Variants in IREB2 observed in about 807,000 individuals in gnomAD.
IREB2 encodes iron responsive element binding protein 2.
In IREB2, 39 loss-of-function variants were observed where a neutral mutation model predicts 118.8. The ratio of observed to expected loss-of-function variants is 0.33; its 90% CI spans 0.25 to 0.43. The LOEUF (loss-of-function observed/expected upper bound fraction) is 0.43. Ranked by LOEUF, IREB2 falls within the 20% of genes least tolerant of loss-of-function variation. The probability of loss-of-function intolerance (pLI) is 1.00; values close to 1 mark genes in which losing one functional copy is unlikely to be tolerated. For missense variants in IREB2, 900 were observed against 1,147.3 expected (o/e 0.78, Z 3.11); for synonymous variants, 372 against 392.2 (o/e 0.95, Z 0.61).
At chr15:78,453,818 T>C (rs1373543425) in intron 2 of IREB2, among the ~76,000 whole-genome samples, 2 of 152,176 alleles carry the variant, frequency 1.3e-5, no homozygotes, top group African/African-American at 4.8e-5. Flanking sequence ...TTAATTGATG[T>C]GGAGTGTGGG....
chr15:78,438,210 T>G (rs889399787), upstream of IREB2: 5 of 735,762 alleles, frequency 6.8e-6, no homozygotes, highest in South Asian at 6.3e-5. Context: ...CTCGCGATAT[T>G]TGCGCGAGCC....
At chr15:78,443,634 T>G (rs868535976) in intron 2 of IREB2, among the ~76,000 whole-genome samples, 4 of 149,766 alleles carry the variant, frequency 2.7e-5, no homozygotes, top group Middle Eastern at 3.4e-3. Flanking sequence ...GGGTTTTTTT[T>G]GTTTTTTGTT....
intron 9 of IREB2, among the ~76,000 whole-genome samples, chr15:78,476,946 C>CT (rs985066070): frequency 6.6e-6 from 1 of 152,196 alleles, no homozygotes; most frequent in East Asian, 1.9e-4. Flanking sequence ...AGTAAGATCT[C>CT]TTTTTTTAAT....
intron 2 of IREB2, among the ~76,000 whole-genome samples, chr15:78,453,497 A>G (rs2051057743): frequency 6.6e-6 from 1 of 151,938 alleles, no homozygotes; most frequent in South Asian, 2.1e-4. Flanking sequence ...GGAAGAAACC[A>G]GTTGAATTGC....
intron 20 of IREB2, among the ~76,000 whole-genome samples, chr15:78,495,706 TGTAAAAAATGA>T (rs375785171): frequency 6.6e-6 from 1 of 152,240 alleles, no homozygotes; most frequent in African/African-American, 2.4e-5. Context: ...AGTAAAAATT[TGTAAAAAATGA>T]GTAAAAAAGA....
chr15:78,492,027 T>C (rs1308435214), intron 18 of IREB2, among the ~76,000 whole-genome samples: 2 of 152,208 alleles, frequency 1.3e-5, no homozygotes, highest in African/African-American at 4.8e-5. Flanking sequence ...TTTAATCCAG[T>C]AGTGCTCATC....
At position 78,462,893 on chromosome 15, in the gene IREB2, T is replaced by G. The variant is rs563221479; in HGVS notation, c.107-29T>G. 5 of 1,533,188 alleles carry G rather than the reference T, an allele frequency of 3.3e-6. No individual in the cohort carries two copies. In the South Asian group the frequency reaches 6.2e-5, roughly 19 times the overall value. The allele number at this position is 1,533,188 out of a possible 1,614,324, so 95.0% of individuals were successfully genotyped here. ...ATAATATATAGGTATGACTGTTTGCTTATTAATAGTAATATTTTCTTGAAT... is the reference window on the plus strand; with the variant it reads ...ATAATATATAGGTATGACTGTTTGCGTATTAATAGTAATATTTTCTTGAAT... On this transcript the variant is annotated intron_variant, in intron 2 of 21. Transcript: ENST00000258886.
chr15:78,481,535 T>TTG (rs1294167202), intron 10 of IREB2, among the ~76,000 whole-genome samples: 1 of 150,814 alleles, frequency 6.6e-6, no homozygotes, highest in Non-Finnish European at 1.5e-5. Flanking sequence ...TTTTTTTTTT[T>TTG]TTTGTATTTT....
At position 78,465,269 on chromosome 15, in the gene IREB2, G is replaced by A. The variant is rs1262334926; in HGVS notation, c.291G>A (p.Val97=). The part of the protein sequence containing the change: ...LQDFTGIPAM[V]DFAAMREAVK... ...TTTTTAGTGGAATACCAGCAATGGT[G>A]GATTTTGCTGCTATGAGGGAGGCAG... Residue 97 remains valine (V), a synonymous_variant, in exon 4 of 22, where the codon GTG becomes GTA. Coordinates refer to ENST00000258886, the MANE Select transcript of IREB2 (RefSeq NM_004136.4). 6.2e-7 allele frequency: 1 copy of A among 1,609,700 alleles called. No individual in the cohort carries two copies. Among genetic ancestry groups the A allele is most frequent in the Admixed American group, 1.7e-5 (1 of 58,858 alleles).
At chr15:78,474,252 G>C (rs1210127840) in intron 8 of IREB2, 1 of 152,166 alleles carries the variant, frequency 6.6e-6, no homozygotes, top group Non-Finnish European at 1.5e-5. Flanking sequence ...CCCAATCTCA[G>C]CATTTTTGGT....
chr15:78,467,704 T>G (rs1466006191), intron 5 of IREB2, among the ~76,000 whole-genome samples: 4 of 151,908 alleles, frequency 2.6e-5, no homozygotes, highest in African/African-American at 9.7e-5. Context: ...AAAAAAAAAG[T>G]CATACAGCTT....
chr15:78,474,287 C>T (rs1504549), intron 8 of IREB2: 76,836 of 151,972 alleles, frequency 0.51, 20,815 homozygotes, highest in Non-Finnish European at 0.62. Context: ...GAAGGCTTTC[C>T]GGATACTCCA....
intron 10 of IREB2, among the ~76,000 whole-genome samples, chr15:78,480,736 G>A (rs550889339): frequency 6.8e-6 from 1 of 147,754 alleles, no homozygotes; most frequent in South Asian, 2.2e-4. Flanking sequence ...GCTCACGCCT[G>A]TAATCCTAGC....
chr15:78,487,585 A>G (rs2141517930), intron 13 of IREB2, 148 bp from the exon 14 acceptor site: 1 of 545,834 alleles, frequency 1.8e-6, no homozygotes, highest in Non-Finnish European at 3.2e-6. Context: ...GAATCTTCTG[A>G]GGTGAATATA....
chr15:78,490,104 T>A (rs993221536), intron 16 of IREB2, among the ~76,000 whole-genome samples: 2 of 152,194 alleles, frequency 1.3e-5, no homozygotes, highest in African/African-American at 4.8e-5. Flanking sequence ...TCCAAAAACA[T>A]CATGATTTTT....
chr15:78,493,636 G>A (rs890668880), intron 18 of IREB2, among the ~76,000 whole-genome samples: 2 of 151,302 alleles, frequency 1.3e-5, no homozygotes, highest in Non-Finnish European at 2.9e-5. Context: ...TTTTTTTTAA[G>A]AGTCTACATC....
intron 9 of IREB2, among the ~76,000 whole-genome samples, 170 bp from the exon 10 acceptor site, chr15:78,478,127 G>T (rs1035150288): frequency 2.6e-5 from 4 of 151,854 alleles, no homozygotes; most frequent in Admixed American, 6.6e-5. Context: ...GGTGCTACTT[G>T]GGAGGCTGAC....
At chr15:78,488,380 C>T (rs765643040) in intron 15 of IREB2, 44 bp downstream of exon 15, 8 of 1,443,084 alleles carry the variant, frequency 5.5e-6, no homozygotes, top group Non-Finnish European at 6.5e-6. Context: ...CATACTTTTC[C>T]CAATGGAAGT....
intron 11 of IREB2, 50 bp downstream of exon 11, chr15:78,483,484 T>G: frequency 1.0e-6 from 1 of 994,986 alleles, no homozygotes; most frequent in Non-Finnish European, 1.6e-6. Flanking sequence ...TTGTGCTAAG[T>G]AGTAAAGAAC....
Sources: allele counts gnomAD v4.1 joint callset (sites outside exome capture counted in the v4.1 genomes callset), GRCh38; gene constraint gnomAD v4.1.1; transcripts MANE v1.5; gene names NCBI Gene and HGNC (gene_info 2026-07-23, HGNC 2026-07-21).